NBAS: variants seen among roughly 807,000 people sequenced by gnomAD.
NBAS encodes NAG/BC035112 fusion.
In NBAS, 219 loss-of-function variants were observed where a neutral mutation model predicts 302.5. The observed-to-expected ratio is 0.72, with a 90% confidence interval of 0.65 to 0.81. The LOEUF (loss-of-function observed/expected upper bound fraction) is 0.81. Ranked by LOEUF, NBAS falls within the 30% of genes least tolerant of loss-of-function variation. The probability of loss-of-function intolerance (pLI) is 0.00; values close to 1 mark genes in which losing one functional copy is unlikely to be tolerated. For synonymous variants in NBAS, 1,118 were observed against 1,021.6 expected (o/e 1.09, Z -1.80); for missense variants, 2,932 against 2,841.6 (o/e 1.03, Z -0.72).
chr2:15,434,509 G>A (rs990803756), intron 21 of NBAS, among the ~76,000 whole-genome samples: 1 of 152,176 alleles, frequency 6.6e-6, no homozygotes, highest in African/African-American at 2.4e-5. Context: ...AAGCTAAAAT[G>A]ACCCACATCA....
At chr2:15,188,297 A>G (rs1392157395) in intron 49 of NBAS, among the ~76,000 whole-genome samples, 1 of 152,226 alleles carries the variant, frequency 6.6e-6, no homozygotes, top group Non-Finnish European at 1.5e-5. Flanking sequence ...AAATGTCTTA[A>G]GTTGTAACCT....
At chr2:14,825,842 T>A in the NBAS span, among the ~76,000 whole-genome samples, 1 of 152,158 alleles carries the variant, frequency 6.6e-6, no homozygotes, top group South Asian at 2.1e-4. Flanking sequence ...TGGGTGTCAG[T>A]AGGCATTTGC....
the NBAS span, among the ~76,000 whole-genome samples, chr2:15,128,073 C>G: frequency 6.6e-6 from 1 of 152,134 alleles, no homozygotes. Context: ...GCTCTTTGTT[C>G]TCTCCAGCAG....
chr2:14,969,118 T>C, the NBAS span, among the ~76,000 whole-genome samples: 1 of 152,150 alleles, frequency 6.6e-6, no homozygotes, highest in African/African-American at 2.4e-5. Flanking sequence ...AAGTATATGA[T>C]TCCATTTCTA....
the NBAS span, among the ~76,000 whole-genome samples, chr2:14,822,137 C>A: frequency 3.2e-4 from 48 of 152,268 alleles, no homozygotes; most frequent in East Asian, 9.1e-3. Flanking sequence ...AGAACTCTTA[C>A]CAAAGAACCT....
intron 47 of NBAS, among the ~76,000 whole-genome samples, chr2:15,221,183 AAC>A (rs1666934179): frequency 1.3e-5 from 2 of 152,226 alleles, no homozygotes. Flanking sequence ...TAATGGGTCT[AAC>A]GGGAAGACCG....
chr2:15,338,308 G>A (rs747629364), intron 35 of NBAS, among the ~76,000 whole-genome samples: 15 of 152,116 alleles, frequency 9.9e-5, no homozygotes, highest in Non-Finnish European at 2.2e-4. Context: ...TTTAGGTTGA[G>A]CTCAACAGCT....
chr2:15,490,274 G>A (rs1680800736), intron 11 of NBAS, among the ~76,000 whole-genome samples: 1 of 152,076 alleles, frequency 6.6e-6, no homozygotes, highest in African/African-American at 2.4e-5. Context: ...ACAATTTCAG[G>A]AGGTCAGGAA....
chr2:15,167,434 T>C (rs1228704387), intron 51 of NBAS, 111 bp from the exon 52 acceptor site: 2 of 1,412,004 alleles, frequency 1.4e-6, no homozygotes, highest in Non-Finnish European at 2.0e-6. Context: ...TGCCCTGGCC[T>C]GGGTTTAAAA....
At chr2:15,135,919 A>G in the NBAS span, among the ~76,000 whole-genome samples, 6 of 152,098 alleles carry the variant, frequency 3.9e-5, no homozygotes, top group Non-Finnish European at 7.4e-5. Flanking sequence ...ATATTTTAAG[A>G]AATTTGACGA....
the NBAS span, among the ~76,000 whole-genome samples, chr2:14,975,611 A>G: frequency 2.9e-3 from 449 of 152,298 alleles, 1 homozygote; most frequent in African/African-American, 0.01. Flanking sequence ...GACTAACATA[A>G]TGAGTCACTC....
the NBAS span, among the ~76,000 whole-genome samples, chr2:15,101,605 T>C: frequency 1.3e-5 from 2 of 152,236 alleles, no homozygotes; most frequent in South Asian, 4.1e-4. Flanking sequence ...GTGAGCTTAT[T>C]GAAGGGGTAA....
chr2:15,539,960 C>A (rs1333037184), intron 6 of NBAS, among the ~76,000 whole-genome samples: 1 of 151,918 alleles, frequency 6.6e-6, no homozygotes, highest in Non-Finnish European at 1.5e-5. Context: ...TTTTGATAAT[C>A]AACAACTTAA....
chr2:15,159,803 GCACACACACA>G, the NBAS span, among the ~76,000 whole-genome samples: 4 of 147,414 alleles, frequency 2.7e-5, no homozygotes, highest in South Asian at 4.3e-4. Context: ...ACACACGCGT[GCACACACACA>G]CACACACACA....
the NBAS span, among the ~76,000 whole-genome samples, chr2:15,061,232 A>C: frequency 5.3e-5 from 8 of 152,194 alleles, no homozygotes; most frequent in Admixed American, 1.3e-4. Flanking sequence ...ATTCGGATGT[A>C]ACTGCAACTA....
At chr2:15,557,766 G>C (rs1664715809) in intron 2 of NBAS, among the ~76,000 whole-genome samples, 1 of 145,406 alleles carries the variant, frequency 6.9e-6, no homozygotes, top group Non-Finnish European at 1.6e-5. Flanking sequence ...AAATCATAAA[G>C]GAGTAACGGC....
At chr2:15,442,368 A>G (rs1355718610) in intron 21 of NBAS, among the ~76,000 whole-genome samples, 1 of 150,784 alleles carries the variant, frequency 6.6e-6, no homozygotes, top group East Asian at 1.9e-4. Context: ...CCGCTCAACT[A>G]CATGGAAACT....
chr2:15,167,233 G>C lies in NBAS; in HGVS notation c.6931C>G (p.Arg2311Gly), dbSNP rs769181635. The change falls in exon 52 of 52, where the codon CGT becomes GGT. Residue 2311 changes from arginine (R) to glycine (G), a missense_variant. Transcript: ENST00000281513. ...CTAGCCAAGAGGTGGTCAACAATAC[G>C]TGGATAGAAGGGAGTGGAGACACAC... is the stretch of plus-strand genomic sequence containing the variant. Reference protein sequence around the residue: ...VKCVSTPFYPRIVDHLLASLQ... With the variant: ...VKCVSTPFYPGIVDHLLASLQ... The C allele has an allele frequency of 6.2e-7, 1 of 1,614,246 alleles. No homozygotes were observed. Among genetic ancestry groups the C allele is most frequent in the Middle Eastern group, 1.7e-4 (1 of 6,060 alleles).
At chr2:15,129,939 T>C in the NBAS span, among the ~76,000 whole-genome samples, 2 of 152,222 alleles carry the variant, frequency 1.3e-5, no homozygotes, top group Non-Finnish European at 2.9e-5. Flanking sequence ...AAAATACACA[T>C]AACGTAAAAC....
Sources: gnomAD v4.1 joint callset for allele counts (sites outside exome capture counted in the v4.1 genomes callset) on GRCh38, gnomAD v4.1.1 for gene constraint, MANE v1.5 for transcripts, NCBI Gene and HGNC (gene_info 2026-07-23, HGNC 2026-07-21) for gene names.